Variants in ROBO1 observed in about 807,000 individuals in gnomAD.
ROBO1 encodes the protein roundabout guidance receptor 1.
In ROBO1, 149 loss-of-function variants were observed where a neutral mutation model predicts 195.9. The observed-to-expected ratio is 0.76, with a 90% CI of 0.67 to 0.87. The LOEUF (loss-of-function observed/expected upper bound fraction) is 0.87, where lower values mean the gene tolerates loss of function less well. Among genes scored for constraint, ROBO1 ranks in the 40% least tolerant of loss-of-function variants. The probability of loss-of-function intolerance (pLI) is 0.00; values close to 1 mark genes in which losing one functional copy is unlikely to be tolerated. For missense variants in ROBO1, 1,933 were observed against 2,068.3 expected, an observed-to-expected ratio of 0.93 and a Z score of 1.27; for synonymous variants, 816 against 733.2, an observed-to-expected ratio of 1.11 and a Z score of -1.82.
intron 3 of ROBO1, among the ~76,000 whole-genome samples, chr3:78,958,725 G>A (rs186238110): frequency 2.6e-4 from 40 of 150,988 alleles, no homozygotes; most frequent in African/African-American, 7.5e-4. Flanking sequence ...AACCAGGACC[G>A]TCCCAGTTTA....
chr3:79,082,018 T>C (rs376322280), intron 3 of ROBO1, among the ~76,000 whole-genome samples: 7 of 152,300 alleles, frequency 4.6e-5, no homozygotes, highest in Middle Eastern at 3.4e-3. Context: ...ATATTATTTT[T>C]CTATTATCAT....
At chr3:79,699,367 CA>C (rs1409763189) in intron 1 of ROBO1, among the ~76,000 whole-genome samples, 2 of 151,520 alleles carry the variant, frequency 1.3e-5, no homozygotes, top group Non-Finnish European at 3.0e-5. Flanking sequence ...GTGCGCCTTC[CA>C]GGTTTGTCTG....
intron 2 of ROBO1, among the ~76,000 whole-genome samples, chr3:79,563,236 A>G (rs1942983388): frequency 6.6e-6 from 1 of 152,176 alleles, no homozygotes; most frequent in East Asian, 1.9e-4. Context: ...AGTATGATAG[A>G]TTACATAAAA....
At chr3:78,814,315 T>C (rs923160907) in intron 4 of ROBO1, among the ~76,000 whole-genome samples, 1 of 152,082 alleles carries the variant, frequency 6.6e-6, no homozygotes, top group Admixed American at 6.6e-5. Context: ...TTATATATTT[T>C]ATTTAACTCA....
chr3:78,722,910 AGCACTTAGAAAAAT>A (rs965343577), intron 5 of ROBO1, among the ~76,000 whole-genome samples: 39 of 151,258 alleles, frequency 2.6e-4, no homozygotes, highest in Admixed American at 6.6e-4. Context: ...AACCATATAA[AGCACTTAGAAAAAT>A]GCCTGCACAT....
intron 2 of ROBO1, among the ~76,000 whole-genome samples, chr3:79,192,646 T>C (rs1300409628): frequency 6.6e-6 from 1 of 151,534 alleles, no homozygotes; most frequent in East Asian, 1.9e-4. Flanking sequence ...ATAAGACAAA[T>C]CTTCTCATGT....
At chr3:79,114,726 T>G (rs1193059850) in intron 3 of ROBO1, among the ~76,000 whole-genome samples, 1 of 152,194 alleles carries the variant, frequency 6.6e-6, no homozygotes, top group African/African-American at 2.4e-5. Flanking sequence ...TGGCTGCTTT[T>G]TGGCTCACAT....
chr3:79,684,075 G>A (rs1165792222), intron 1 of ROBO1, among the ~76,000 whole-genome samples: 1 of 152,054 alleles, frequency 6.6e-6, no homozygotes, highest in Non-Finnish European at 1.5e-5. Flanking sequence ...AGCAATATAT[G>A]AGGACTCCAG....
intron 2 of ROBO1, among the ~76,000 whole-genome samples, chr3:79,363,458 G>A (rs976646854): frequency 2.6e-5 from 4 of 152,082 alleles, no homozygotes; most frequent in African/African-American, 9.7e-5. Flanking sequence ...AAATTTTTAA[G>A]AAGTCATTTT....
At chr3:79,224,339 A>C (rs2082189867) in intron 2 of ROBO1, among the ~76,000 whole-genome samples, 1 of 152,236 alleles carries the variant, frequency 6.6e-6, no homozygotes, top group South Asian at 2.1e-4. Context: ...GGAGTCCTGT[A>C]GCTTAATTTT....
chr3:78,958,482 T>C (rs950220771), intron 3 of ROBO1, among the ~76,000 whole-genome samples: 1 of 152,244 alleles, frequency 6.6e-6, no homozygotes, highest in Non-Finnish European at 1.5e-5. Flanking sequence ...CAAATTTTGA[T>C]GTGTTTGAGA....
At chr3:79,060,656 C>T (rs1185539336) in intron 3 of ROBO1, among the ~76,000 whole-genome samples, 1 of 152,050 alleles carries the variant, frequency 6.6e-6, no homozygotes, top group Non-Finnish European at 1.5e-5. Context: ...CTACCATGAT[C>T]AAGTTGGCTT....
At chr3:79,331,922 C>G (rs2034455165) in intron 2 of ROBO1, among the ~76,000 whole-genome samples, 1 of 152,066 alleles carries the variant, frequency 6.6e-6, no homozygotes, top group South Asian at 2.1e-4. Flanking sequence ...GCGGGCAGAT[C>G]ACGAGGTCAG....
intron 25 of ROBO1, among the ~76,000 whole-genome samples, chr3:78,629,614 C>T (rs1382310207): frequency 2.0e-5 from 3 of 151,962 alleles, no homozygotes; most frequent in Non-Finnish European, 2.9e-5. Flanking sequence ...GAGGATCACT[C>T]GAGCTCTGGG....
chr3:79,467,607 T>A (rs762502413), intron 2 of ROBO1, among the ~76,000 whole-genome samples: 3 of 151,908 alleles, frequency 2.0e-5, no homozygotes, highest in Non-Finnish European at 4.4e-5. Flanking sequence ...ATCTTCCCAC[T>A]CCATACCCTT....
chr3:79,711,168 T>C (rs1702260158), intron 1 of ROBO1, among the ~76,000 whole-genome samples: 1 of 152,170 alleles, frequency 6.6e-6, no homozygotes, highest in Non-Finnish European at 1.5e-5. Flanking sequence ...ATAGTGGATC[T>C]TGCACTTAGT....
intron 2 of ROBO1, among the ~76,000 whole-genome samples, chr3:79,467,247 G>A (rs576292495): frequency 1.3e-5 from 2 of 151,964 alleles, no homozygotes; most frequent in South Asian, 4.1e-4. Flanking sequence ...ATTCTAAACT[G>A]TTCTTGGTTT....
chr3:79,381,374 AAAAG>A (rs2036570391), intron 2 of ROBO1, among the ~76,000 whole-genome samples: 3 of 74,010 alleles, frequency 4.1e-5, no homozygotes, highest in African/African-American at 1.9e-4. Context: ...AAAAAAAAAA[AAAAG>A]AAAAGAAAAG....
intron 2 of ROBO1, among the ~76,000 whole-genome samples, chr3:79,450,404 A>G (rs1227287451): frequency 1.3e-5 from 2 of 152,012 alleles, no homozygotes; most frequent in African/African-American, 2.4e-5. Flanking sequence ...TAAGAAAAAT[A>G]ATAATAATAA....
Sources: allele counts gnomAD v4.1 joint callset (sites outside exome capture counted in the v4.1 genomes callset), GRCh38; gene constraint gnomAD v4.1.1; transcripts MANE v1.5; gene names NCBI Gene and HGNC (gene_info 2026-07-23, HGNC 2026-07-21).